The following ANO1 variants were observed in gnomAD, a reference collection of about 807,000 sequenced individuals.
ANO1 encodes the protein anoctamin-1.
A neutral mutation model predicts 124.0 loss-of-function variants in ANO1; 59 were observed. That is an observed-to-expected ratio of 0.48 (90% confidence interval 0.39 to 0.59). ANO1 has a LOEUF of 0.59. Among genes scored for constraint, ANO1 ranks in the 20% least tolerant of loss-of-function variants. The pLI is 0.00. For missense variants in ANO1, 1,059 were observed against 1,328.0 expected (o/e 0.80, Z 3.15); for synonymous variants, 529 against 532.0 (o/e 0.99, Z 0.08).
chr11:69,983,071 T>C (rs1222606131), upstream of ANO1, among the ~76,000 whole-genome samples: 1 of 152,088 alleles, frequency 6.6e-6, no homozygotes, highest in Non-Finnish European at 1.5e-5. Flanking sequence ...GAGTCAGCTC[T>C]GAGCTGACAT....
chr11:70,159,604 G>A (rs1565261950), intron 16 of ANO1, among the ~76,000 whole-genome samples: 1 of 152,240 alleles, frequency 6.6e-6, no homozygotes, highest in African/African-American at 2.4e-5. Context: ...TGGTCCTGGG[G>A]ATGCGGGGGA....
At chr11:70,086,061 G>A (rs933440160) in intron 1 of ANO1, among the ~76,000 whole-genome samples, 2 of 152,226 alleles carry the variant, frequency 1.3e-5, no homozygotes, top group African/African-American at 4.8e-5. Context: ...ACTCCATCAG[G>A]GAGGCCCTCT....
intron 1 of ANO1, among the ~76,000 whole-genome samples, chr11:70,057,740 A>C (rs1400006671): frequency 1.3e-5 from 2 of 152,184 alleles, no homozygotes; most frequent in African/African-American, 4.8e-5. Flanking sequence ...GAAAGTCATC[A>C]GTTAAGGCAG....
chr11:70,003,995 C>A (rs1856436244), intron 1 of ANO1, among the ~76,000 whole-genome samples: 1 of 152,118 alleles, frequency 6.6e-6, no homozygotes, highest in Non-Finnish European at 1.5e-5. Flanking sequence ...CCCGTCCAGA[C>A]CACCCACGAG....
chr11:70,143,742 A>C (rs1300454903), intron 11 of ANO1, among the ~76,000 whole-genome samples: 1 of 152,188 alleles, frequency 6.6e-6, no homozygotes, highest in African/African-American at 2.4e-5. Context: ...CCTCCGGCCC[A>C]TTCTCCTGTG....
At chr11:70,182,265 G>A (rs2135839936) in intron 23 of ANO1, among the ~76,000 whole-genome samples, 1 of 152,368 alleles carries the variant, frequency 6.6e-6, no homozygotes, top group African/African-American at 2.4e-5. Flanking sequence ...TTCTCTCCTA[G>A]AAGTGCACTG....
intron 1 of ANO1, among the ~76,000 whole-genome samples, chr11:69,998,278 G>C (rs529235870): frequency 2.6e-5 from 4 of 152,350 alleles, no homozygotes; most frequent in African/African-American, 9.6e-5. Context: ...ATATAAAATA[G>C]CTCCATCACC....
chr11:70,023,118 G>A (rs940510827), intron 1 of ANO1, among the ~76,000 whole-genome samples: 11 of 152,172 alleles, frequency 7.2e-5, no homozygotes, highest in South Asian at 2.1e-4. Flanking sequence ...GATCCATGCC[G>A]GACTTCTGGA....
chr11:70,026,428 G>A (rs1303173248), intron 1 of ANO1, among the ~76,000 whole-genome samples: 3 of 151,316 alleles, frequency 2.0e-5, no homozygotes, highest in African/African-American at 7.3e-5. Context: ...CAGTAATAAT[G>A]ATGATGGTGG....
Position 70,153,079 on chromosome 11 carries a change from A to G in ANO1, c.1376A>G (p.Glu459Gly), listed in dbSNP as rs2047668165. Residue 459 changes from glutamate to glycine, a missense_variant, in exon 14 of 26, where the codon GAA becomes GGA. Glu to Gly is a moderately conservative substitution (Grantham distance 98, BLOSUM62 -2). Coordinates refer to ENST00000355303, the MANE Select transcript of ANO1 (RefSeq NM_018043.7). The stretch of plus-strand genomic sequence containing the variant: ...CAGGATCATCCTAGAGCTGAATACG[A>G]AGCCAGAGTCTTGGAGAAGTCTCTG... ...AVKDHPRAEY[E>G]ARVLEKSLKK... The G allele has an allele frequency of 1.2e-6, 2 of 1,607,746 alleles. No homozygotes were observed. The highest frequency in any genetic ancestry group is 1.7e-5 in the Admixed American group (1 of 59,212).
intron 1 of ANO1, among the ~76,000 whole-genome samples, chr11:70,036,925 T>G (rs1188975391): frequency 1.3e-5 from 2 of 152,244 alleles, no homozygotes; most frequent in South Asian, 2.1e-4. Context: ...GTTTTTTACA[T>G]GCCTGCCTTT....
intron 1 of ANO1, among the ~76,000 whole-genome samples, chr11:70,032,507 T>C (rs1006549923): frequency 7.7e-6 from 1 of 129,916 alleles, no homozygotes; most frequent in African/African-American, 2.8e-5. Flanking sequence ...GCAAAAAAGA[T>C]GGGAGAGTGA....
At chr11:69,997,186 A>G (rs530370421) in intron 1 of ANO1, among the ~76,000 whole-genome samples, 1 of 152,322 alleles carries the variant, frequency 6.6e-6, no homozygotes, top group South Asian at 2.1e-4. Context: ...CACAGGAAGA[A>G]TAAGGATGGC....
intron 1 of ANO1, among the ~76,000 whole-genome samples, chr11:70,024,315 G>C (rs887467897): frequency 1.3e-5 from 2 of 152,194 alleles, no homozygotes; most frequent in Non-Finnish European, 2.9e-5. Context: ...CATCTGGAGC[G>C]GGGGGACACA....
intron 1 of ANO1, among the ~76,000 whole-genome samples, chr11:70,049,688 GTTTTTTT>G: frequency 7.9e-6 from 1 of 127,044 alleles, no homozygotes; most frequent in East Asian, 3.1e-4. Flanking sequence ...TGCGGTCTAT[GTTTTTTT>G]GTTTGTTTGT....
At chr11:70,169,379 C>T (rs1215418056) in intron 21 of ANO1, among the ~76,000 whole-genome samples, 2 of 152,072 alleles carry the variant, frequency 1.3e-5, no homozygotes, top group African/African-American at 4.8e-5. Context: ...CTGCTCCTCC[C>T]AGGAAGTCTC....
At chr11:70,135,796 C>T (rs1047006279) in intron 11 of ANO1, among the ~76,000 whole-genome samples, 3 of 152,228 alleles carry the variant, frequency 2.0e-5, no homozygotes. Context: ...CTGTAATGAT[C>T]CCATTTCGAG....
At position 70,020,375 on chromosome 11, in the gene ANO1, C is replaced by T. The variant is rs548742478; in HGVS notation, c.58+34209C>T. 1.9e-4 allele frequency among the ~76,000 whole-genome samples: 29 copies of T among 152,300 alleles called. No individual in the cohort carries two copies. The South Asian group carries it at 5.8e-3, about 31-fold the overall frequency. ...GTTCTCACTCAGGACAGCCGCACTC[C>T]ACTGCACAGGACACTTATGCCACCC... On this transcript the variant is annotated intron_variant, in intron 1 of 27. Coordinates refer to the ANO1 transcript ENST00000531349.
intron 1 of ANO1, chr11:70,085,387 T>G: frequency 6.7e-7 from 1 of 1,492,584 alleles, no homozygotes; most frequent in Non-Finnish European, 8.9e-7. Flanking sequence ...CCTCAGACTT[T>G]GTCACAGAGG....
Sources: allele counts gnomAD v4.1 joint callset (sites outside exome capture counted in the v4.1 genomes callset), GRCh38; gene constraint gnomAD v4.1.1; transcripts MANE v1.5; gene names NCBI Gene and HGNC (gene_info 2026-07-23, HGNC 2026-07-21).